ZNF827: variants seen among roughly 807,000 people sequenced by gnomAD.
ZNF827 encodes the protein zinc finger protein 827.
ZNF827 carries 13 observed loss-of-function variants against 102.4 expected under a neutral mutation model. That is an observed-to-expected ratio of 0.13 (90% CI 0.08 to 0.20). The LOEUF is 0.20. Ranked by LOEUF, ZNF827 falls within the 10% of genes least tolerant of loss-of-function variation. The pLI, the probability that ZNF827 is intolerant of heterozygous loss-of-function variation, is 1.00. For missense variants in ZNF827, 1,103 were observed against 1,344.4 expected, an observed-to-expected ratio of 0.82 and a Z score of 2.81; for synonymous variants, 523 against 536.2, an observed-to-expected ratio of 0.98 and a Z score of 0.34.
chr4:145,826,540 G>A (rs140375756), intron 7 of ZNF827, among the ~76,000 whole-genome samples: 45 of 152,228 alleles, frequency 3.0e-4, no homozygotes, highest in African/African-American at 7.9e-4. Context: ...TTTTGAGAGC[G>A]AGACCACATT....
In ZNF827 at chr4:145,902,822, G is replaced by T; in HGVS notation, c.437C>A (p.Ser146Tyr). The change falls in exon 2 of 15, where the codon TCC becomes TAC. Residue 146 changes from serine (S) to tyrosine (Y), a missense_variant. Ser to Tyr is a moderately radical substitution (Grantham distance 144). This residue lies in a region of ZNF827 where 441 missense variants were observed against 458.6 expected (regional missense o/e 0.96). Transcript: ENST00000508784. This position sits in a 1 kb window ranked among gnomAD's most constrained non-coding sequence, Gnocchi z 4.3. ...GAGGTTCGAGCCAACGTTTACGGGG[G>T]ACTCCACTCTGCCATTAGCCGTGGC... is the stretch of plus-strand genomic sequence containing the variant. ...AAATANGRVE[S>Y]PVNVGSNLSF... The T allele has an allele frequency of 6.2e-7, 1 of 1,614,138 alleles. No homozygotes were observed.
intron 1 of ZNF827, among the ~76,000 whole-genome samples, chr4:145,918,615 A>G (rs1173455581): frequency 6.6e-6 from 1 of 152,018 alleles, no homozygotes; most frequent in Non-Finnish European, 1.5e-5. Context: ...CAGTTTCTTC[A>G]TCTATAAAAT....
chr4:145,902,400 A>G lies in ZNF827; in HGVS notation c.859T>C (p.Ser287Pro), dbSNP rs1485218077. The change falls in exon 2 of 15, where the codon TCA (serine) becomes CCA (proline). Residue 287 changes from serine to proline, a missense_variant. By Grantham distance (74) the Ser-to-Pro change is moderately conservative. This residue lies in a region of ZNF827 where 441 missense variants were observed against 458.6 expected (regional missense o/e 0.96). Transcript: ENST00000508784. The surrounding 1 kb of genome is among the most constrained non-coding windows in gnomAD (Gnocchi z 4.3). ...GCCACCTCCTTCAGAAGGGCCGCTGAGGAGGTCATAGAAGCCAGGGAAAGG... is the reference window on the plus strand; with the variant it reads ...GCCACCTCCTTCAGAAGGGCCGCTGGGGAGGTCATAGAAGCCAGGGAAAGG... ...SFLSLASMTS[S>P]AALLKEVAAR... is the part of the protein sequence containing the mutation. The G allele has an allele frequency of 3.7e-6, 6 of 1,614,112 alleles. No individual in the cohort carries two copies.
At chr4:145,783,848 T>C (rs1053194084) in intron 8 of ZNF827, among the ~76,000 whole-genome samples, 2 of 152,204 alleles carry the variant, frequency 1.3e-5, no homozygotes, top group African/African-American at 4.8e-5. Context: ...GGTTTGGTTC[T>C]GTGTCCCTGC....
At position 145,759,197 on chromosome 4, in the gene ZNF827, T is replaced by C. The variant is rs996444970; in HGVS notation, c.*2419A>G. On this transcript the variant is annotated 3_prime_UTR_variant, in exon 15 of 15. Coordinates refer to ENST00000508784, the MANE Select transcript of ZNF827 (RefSeq NM_001306215.2). ...CCCATTATTATACAAAGAACATTTC[T>C]TCCTGCTCTTTCAGCCTGTTTCATA... is the stretch of plus-strand genomic sequence containing the variant. 1 of 152,240 alleles carries C rather than the reference T, an allele frequency of 6.6e-6. No homozygotes were observed. Among genetic ancestry groups the C allele is most frequent in the Non-Finnish European group, 1.5e-5 (1 of 68,046 alleles). 9.4% of individuals were successfully genotyped at this position (152,240 alleles called of 1,614,324 possible).
At chr4:145,888,911 G>T (rs1366696968) in intron 3 of ZNF827, among the ~76,000 whole-genome samples, 1 of 152,114 alleles carries the variant, frequency 6.6e-6, no homozygotes, top group African/African-American at 2.4e-5. Flanking sequence ...ATATTATGAA[G>T]GAAAGGTGGG....
chr4:145,858,218 A>G (rs1747358046), intron 5 of ZNF827, among the ~76,000 whole-genome samples: 1 of 152,034 alleles, frequency 6.6e-6, no homozygotes, highest in South Asian at 2.1e-4. Flanking sequence ...GTACATGCCT[A>G]TAATCCCAGC....
chr4:145,850,677 C>T (rs1338011189), intron 5 of ZNF827, among the ~76,000 whole-genome samples: 2 of 151,928 alleles, frequency 1.3e-5, no homozygotes, highest in Non-Finnish European at 1.5e-5. Context: ...TAACTTGGGT[C>T]GCTATAAAAT....
At chr4:145,832,828 A>C (rs1744371598) in intron 7 of ZNF827, 2 of 152,378 alleles carry the variant, frequency 1.3e-5, no homozygotes, top group South Asian at 4.1e-4. Flanking sequence ...TGCCTGCCAG[A>C]GAACAAACCC....
chr4:145,815,901 T>C (rs552902040), intron 8 of ZNF827, among the ~76,000 whole-genome samples: 2 of 152,258 alleles, frequency 1.3e-5, no homozygotes, highest in Non-Finnish European at 2.9e-5. Flanking sequence ...TGAGGCCTTA[T>C]AAAGGGTGTT....
intron 2 of ZNF827, among the ~76,000 whole-genome samples, chr4:145,899,245 G>T (rs1055032590): frequency 6.6e-6 from 1 of 151,876 alleles, no homozygotes; most frequent in Non-Finnish European, 1.5e-5. Flanking sequence ...ATAAATCGAA[G>T]GTACATCCCA....
intron 8 of ZNF827, among the ~76,000 whole-genome samples, chr4:145,806,872 C>A (rs1384677122): frequency 6.6e-6 from 1 of 152,176 alleles, no homozygotes; most frequent in East Asian, 1.9e-4. Flanking sequence ...CTATTTTCAA[C>A]AACCAAGATA....
chr4:145,845,860 G>C (rs1216123924), intron 7 of ZNF827, 96 bp downstream of exon 7: 2 of 1,279,350 alleles, frequency 1.6e-6, no homozygotes, highest in Non-Finnish European at 2.3e-6. Flanking sequence ...TTTGAACCCA[G>C]TGGGAGAAAG....
At chr4:145,782,304 T>C (rs1287917353) in intron 8 of ZNF827, among the ~76,000 whole-genome samples, 1 of 152,146 alleles carries the variant, frequency 6.6e-6, no homozygotes, top group Non-Finnish European at 1.5e-5. Flanking sequence ...GGGAGGAGTA[T>C]TACTGTGGCA....
At chr4:145,769,602 C>T (rs1201789136) in intron 11 of ZNF827, among the ~76,000 whole-genome samples, 1 of 152,154 alleles carries the variant, frequency 6.6e-6, no homozygotes, top group Non-Finnish European at 1.5e-5. Flanking sequence ...ATGTGTAATC[C>T]CTAGTCCAAA....
chr4:145,844,725 TA>T (rs1197139880), intron 7 of ZNF827, among the ~76,000 whole-genome samples: 1 of 115,210 alleles, frequency 8.7e-6, no homozygotes. Flanking sequence ...AATAAATAAA[TA>T]AATAAAATAA....
intron 1 of ZNF827, among the ~76,000 whole-genome samples, chr4:145,911,146 C>G (rs958734919): frequency 6.6e-6 from 1 of 152,124 alleles, no homozygotes; most frequent in African/African-American, 2.4e-5. Context: ...AGGGAAAAAG[C>G]CTGTTTTGCA....
At position 145,904,642 on chromosome 4, in the gene ZNF827, G is replaced by C. The variant is rs759195097; in HGVS notation, c.44-1427C>G. 4.6e-5 allele frequency among the ~76,000 whole-genome samples: 7 copies of C among 152,356 alleles called. No individual in the cohort carries two copies. The East Asian group carries it at 7.7e-4, about 17-fold the overall frequency. Reference sequence around the variant, plus strand: ...GCATGGGGTGCAGTGAGTGAGGTCAGAGCAGTGCCATAGGAGGTCAGAGAA... The same window carrying C: ...GCATGGGGTGCAGTGAGTGAGGTCACAGCAGTGCCATAGGAGGTCAGAGAA... On this transcript the variant is annotated intron_variant, in intron 1 of 14. Coordinates refer to ENST00000508784, the MANE Select transcript of ZNF827 (RefSeq NM_001306215.2).
intron 5 of ZNF827, among the ~76,000 whole-genome samples, chr4:145,855,086 T>A (rs2126682603): frequency 6.6e-6 from 1 of 152,276 alleles, no homozygotes; most frequent in Non-Finnish European, 1.5e-5. Context: ...GGGCCCTCAA[T>A]CTGCTGCGAA....
Sources: gnomAD v4.1 joint callset for allele counts (sites outside exome capture counted in the v4.1 genomes callset) on GRCh38, gnomAD v4.1.1 for gene constraint, gnomAD v4.1.1 regional missense constraint, Gnocchi (gnomAD v3.1) non-coding constraint, MANE v1.5 for transcripts, NCBI Gene and HGNC (gene_info 2026-07-23, HGNC 2026-07-21) for gene names.